The following B3GALT1 variants were observed in gnomAD, a reference collection of about 807,000 sequenced individuals.
B3GALT1 encodes beta-1,3-galactosyltransferase 1.
B3GALT1 carries 10 observed loss-of-function variants against 23.2 expected under a neutral mutation model. The ratio of observed to expected loss-of-function variants is 0.43; its 90% CI spans 0.27 to 0.73. The LOEUF (loss-of-function observed/expected upper bound fraction) is 0.73. B3GALT1 is among the 30% of genes least tolerant of loss of function. The probability of loss-of-function intolerance (pLI) is 0.21; values close to 1 mark genes in which losing one functional copy is unlikely to be tolerated. For synonymous variants in B3GALT1, 156 were observed against 141.5 expected (o/e 1.10, Z -0.73); for missense variants, 299 against 405.4 (o/e 0.74, Z 2.25).
intron 1 of B3GALT1, among the ~76,000 whole-genome samples, chr2:167,363,046 G>T (rs1318468296): frequency 6.6e-6 from 1 of 151,724 alleles, no homozygotes; most frequent in South Asian, 2.1e-4. Flanking sequence ...AGTAGAGATG[G>T]GGTTTGCCAT....
intron 4 of B3GALT1, among the ~76,000 whole-genome samples, chr2:167,856,121 C>T (rs144175117): frequency 5.6e-4 from 85 of 152,236 alleles, no homozygotes; most frequent in Middle Eastern, 6.8e-3. Flanking sequence ...ACAAAAACTA[C>T]AGAATTGTTT....
At chr2:167,842,292 A>G (rs913125010) in intron 4 of B3GALT1, among the ~76,000 whole-genome samples, 4 of 151,766 alleles carry the variant, frequency 2.6e-5, no homozygotes, top group Non-Finnish European at 5.9e-5. Flanking sequence ...GCCAAGTAAA[A>G]CTCCACTGCA....
At chr2:167,473,196 T>G (rs182405031) in intron 1 of B3GALT1, among the ~76,000 whole-genome samples, 105 of 152,268 alleles carry the variant, frequency 6.9e-4, no homozygotes, top group Admixed American at 4.1e-3. Context: ...TTTCTAAAAG[T>G]GAGCATGTCA....
chr2:167,444,472 A>G (rs1698949133), intron 1 of B3GALT1, among the ~76,000 whole-genome samples: 1 of 152,186 alleles, frequency 6.6e-6, no homozygotes, highest in Non-Finnish European at 1.5e-5. Context: ...CTCTGGTAGA[A>G]TTTGGCTGTG....
At chr2:167,324,921 CTCTACGTGG>C (rs569443671) in intron 1 of B3GALT1, among the ~76,000 whole-genome samples, 4 of 152,246 alleles carry the variant, frequency 2.6e-5, no homozygotes, top group Admixed American at 2.6e-4. Context: ...CACTCTCCAC[CTCTACGTGG>C]TCTACTTCTG....
At chr2:167,805,209 T>C (rs1192716753) in intron 3 of B3GALT1, among the ~76,000 whole-genome samples, 2 of 152,196 alleles carry the variant, frequency 1.3e-5, no homozygotes, top group Non-Finnish European at 2.9e-5. Flanking sequence ...TTGAGTTCAT[T>C]GTAGATTCTG....
chr2:167,367,117 T>C (rs565850755), intron 1 of B3GALT1, among the ~76,000 whole-genome samples: 2 of 152,318 alleles, frequency 1.3e-5, no homozygotes, highest in South Asian at 2.1e-4. Flanking sequence ...GAGTTTAGAA[T>C]ATTCTGATCA....
intron 3 of B3GALT1, among the ~76,000 whole-genome samples, chr2:167,792,616 A>G (rs917969650): frequency 2.6e-5 from 4 of 152,210 alleles, no homozygotes; most frequent in Non-Finnish European, 4.4e-5. Flanking sequence ...ACCAGATGGT[A>G]GAACACCTTG....
At chr2:167,727,284 A>T (rs1207874297) in intron 3 of B3GALT1, among the ~76,000 whole-genome samples, 1 of 152,152 alleles carries the variant, frequency 6.6e-6, no homozygotes, top group Non-Finnish European at 1.5e-5. Context: ...CAGTCGTTCT[A>T]ATTTCAAAGT....
At chr2:167,823,367 A>C (rs1460633139) in intron 4 of B3GALT1, among the ~76,000 whole-genome samples, 1 of 152,178 alleles carries the variant, frequency 6.6e-6, no homozygotes, top group Non-Finnish European at 1.5e-5. Context: ...CTAAAAAAAA[A>C]ATCATTCTTA....
chr2:167,752,765 G>A (rs1687759032), intron 3 of B3GALT1, among the ~76,000 whole-genome samples: 1 of 152,202 alleles, frequency 6.6e-6, no homozygotes, highest in Non-Finnish European at 1.5e-5. Flanking sequence ...GTTGAAAACT[G>A]TAGGACTGTC....
chr2:167,562,796 G>A (rs934366989), intron 2 of B3GALT1, among the ~76,000 whole-genome samples: 2 of 151,946 alleles, frequency 1.3e-5, no homozygotes, highest in African/African-American at 4.8e-5. Flanking sequence ...GGACCCTGCG[G>A]CCTTCCGCAG....
intron 1 of B3GALT1, among the ~76,000 whole-genome samples, chr2:167,305,691 A>G (rs1696541367): frequency 6.6e-6 from 1 of 152,098 alleles, no homozygotes; most frequent in Non-Finnish European, 1.5e-5. Flanking sequence ...GCACTTATCT[A>G]TTAGCGTGCT....
chr2:167,786,952 G>GT (rs1318520415), intron 3 of B3GALT1, among the ~76,000 whole-genome samples: 13 of 152,102 alleles, frequency 8.5e-5, no homozygotes, highest in African/African-American at 3.1e-4. Context: ...GTTTGGTTTG[G>GT]TTTTTTAACC....
chr2:167,354,349 T>C (rs1310495279), intron 1 of B3GALT1, among the ~76,000 whole-genome samples: 1 of 10,030 alleles, frequency 1.0e-4, no homozygotes, highest in East Asian at 0.071. Flanking sequence ...TAAATCTTCT[T>C]TTTTTTTTTT....
At chr2:167,741,760 A>G (rs1035299613) in intron 3 of B3GALT1, among the ~76,000 whole-genome samples, 6 of 152,194 alleles carry the variant, frequency 3.9e-5, no homozygotes, top group African/African-American at 1.4e-4. Flanking sequence ...TCCCTAAAGT[A>G]TGCTGTTCTT....
chr2:167,497,093 T>C (rs569253290), intron 2 of B3GALT1, among the ~76,000 whole-genome samples: 18 of 152,332 alleles, frequency 1.2e-4, no homozygotes, highest in African/African-American at 3.8e-4. Flanking sequence ...AGGCCATCTT[T>C]TAAATGATAT....
At chr2:167,572,644 T>C (rs1410719716) in intron 2 of B3GALT1, among the ~76,000 whole-genome samples, 1 of 151,774 alleles carries the variant, frequency 6.6e-6, no homozygotes, top group African/African-American at 2.4e-5. Flanking sequence ...CCGATTGAGG[T>C]CACTACCTCC....
chr2:167,649,971 T>C (rs1338694741), intron 3 of B3GALT1, among the ~76,000 whole-genome samples: 1 of 151,998 alleles, frequency 6.6e-6, no homozygotes, highest in Non-Finnish European at 1.5e-5. Flanking sequence ...ATGTAATGAA[T>C]ATGTGCATCT....
Sources: allele counts gnomAD v4.1 joint callset (sites outside exome capture counted in the v4.1 genomes callset), GRCh38; gene constraint gnomAD v4.1.1; transcripts MANE v1.5; gene names NCBI Gene and HGNC (gene_info 2026-07-23, HGNC 2026-07-21).